The following RPIA variants were observed in gnomAD, a reference collection of about 807,000 sequenced individuals.
The protein encoded by RPIA is ribose-5-phosphate isomerase.
Under a neutral mutation model 37.8 loss-of-function variants are expected in RPIA, and 29 were observed. The observed-to-expected ratio is 0.77, with a 90% confidence interval of 0.57 to 1.05. The LOEUF is 1.05. Among genes scored for constraint, RPIA ranks in the 50% least tolerant of loss-of-function variants. The pLI is 0.00. For missense variants in RPIA, 385 were observed against 413.6 expected, an observed-to-expected ratio of 0.93 and a Z score of 0.60; for synonymous variants, 167 against 157.0, an observed-to-expected ratio of 1.06 and a Z score of -0.48.
intron 1 of RPIA, among the ~76,000 whole-genome samples, chr2:88,693,252 G>C (rs761266557): frequency 6.6e-6 from 1 of 152,260 alleles, no homozygotes; most frequent in South Asian, 2.1e-4. Context: ...ATTTGGTGGC[G>C]CATCTCCCTG....
chr2:88,696,514 A>G (rs888159119), intron 1 of RPIA, among the ~76,000 whole-genome samples: 1 of 151,886 alleles, frequency 6.6e-6, no homozygotes, highest in Non-Finnish European at 1.5e-5. Flanking sequence ...GGGCATTGAT[A>G]GTTTATATAT....
Position 88,691,691 on chromosome 2 carries a change from G to C in RPIA, c.-8G>C. 6.4e-7 allele frequency: 1 copy of C among 1,568,174 alleles called. No homozygotes were observed. The highest frequency in any genetic ancestry group is 1.4e-5 in the African/African-American group (1 of 73,524). On this transcript the variant is annotated 5_prime_UTR_variant, in exon 1 of 9. Coordinates refer to ENST00000283646, the MANE Select transcript of RPIA (RefSeq NM_144563.3). Reference sequence around the variant, plus strand: ...GGACTTCAGCGGAGGCCGGAGCGAGGCGTCGGGATGCAGCGCCCCGGGCCC... The same window carrying C: ...GGACTTCAGCGGAGGCCGGAGCGAGCCGTCGGGATGCAGCGCCCCGGGCCC...
chr2:88,749,994 A>C lies in RPIA; in HGVS notation c.852A>C (p.Thr284=). The C allele has an allele frequency of 6.2e-7, 1 of 1,612,152 alleles. No individual in the cohort carries two copies. The highest frequency in any genetic ancestry group is 8.5e-7 in the Non-Finnish European group (1 of 1,178,454). The change falls in exon 9 of 9, where the codon ACA becomes ACC. Residue 284 remains threonine (T), a synonymous_variant. Transcript: ENST00000283646. ...TTTGTCCTGCAGGTGTGGTGGACAC[A>C]GGCCTATTCATCAACATGGCTGAGA... ...AIKMIPGVVD[T]GLFINMAERV... is the part of the protein sequence containing the mutation.
chr2:88,736,809 A>G, intron 7 of RPIA, 133 bp downstream of exon 7: 2 of 1,155,798 alleles, frequency 1.7e-6, no homozygotes, highest in Non-Finnish European at 1.2e-6. Flanking sequence ...TAATTGATGT[A>G]TTTGTTTATT....
chr2:88,723,779 G>A (rs1042574159), intron 3 of RPIA, among the ~76,000 whole-genome samples: 4 of 152,080 alleles, frequency 2.6e-5, no homozygotes, highest in African/African-American at 9.7e-5. Context: ...GACGACATGT[G>A]CCCAAGGTGG....
intron 3 of RPIA, among the ~76,000 whole-genome samples, chr2:88,709,283 G>A (rs1672934645): frequency 6.6e-6 from 1 of 152,198 alleles, no homozygotes; most frequent in Admixed American, 6.5e-5. Flanking sequence ...TGACTCTTCT[G>A]CAAGGAAATG....
intron 3 of RPIA, among the ~76,000 whole-genome samples, chr2:88,707,645 T>A (rs1672913841): frequency 6.6e-6 from 1 of 152,186 alleles, no homozygotes. Flanking sequence ...TTATTTGATT[T>A]CCAGTTTCAT....
At chr2:88,733,643 G>GT (rs1280624283) in intron 4 of RPIA, among the ~76,000 whole-genome samples, 1 of 152,196 alleles carries the variant, frequency 6.6e-6, no homozygotes, top group South Asian at 2.1e-4. Flanking sequence ...GCTGGAATCT[G>GT]TAAAAGGCTG....
chr2:88,734,767 C>A, intron 5 of RPIA, 151 bp downstream of exon 5: 2 of 828,034 alleles, frequency 2.4e-6, no homozygotes, highest in Non-Finnish European at 4.0e-6. Context: ...TTAGACCCAA[C>A]TCAGCATTTC....
rs539087476 is a variant in RPIA, at chr2:88,700,093, A to G, written c.402+29A>G. 792 of 1,610,570 alleles carry G rather than the reference A, an allele frequency of 4.9e-4. 15 individuals carry two copies. In the South Asian group the frequency reaches 7.6e-3, roughly 15 times the overall value. ...TGTCCTGCTTTCCATCTGCATCGTG[A>G]CAGCTTCTGCTGTATCTTCTGGTTC... On this transcript the variant is annotated intron_variant, in intron 3 of 8. Coordinates refer to ENST00000283646, the MANE Select transcript of RPIA (RefSeq NM_144563.3).
At chr2:88,706,441 A>T (rs1348532118) in intron 3 of RPIA, among the ~76,000 whole-genome samples, 1 of 151,890 alleles carries the variant, frequency 6.6e-6, no homozygotes, top group African/African-American at 2.4e-5. Context: ...TCCTCAGCAA[A>T]CTAACACAGG....
At chr2:88,745,675 G>T (rs1673430963) in intron 8 of RPIA, among the ~76,000 whole-genome samples, 1 of 152,130 alleles carries the variant, frequency 6.6e-6, no homozygotes. Flanking sequence ...TTCTTTTATA[G>T]GTTACCTAAT....
At chr2:88,700,532 G>A (rs78991614) in intron 3 of RPIA, among the ~76,000 whole-genome samples, 2 of 152,120 alleles carry the variant, frequency 1.3e-5, no homozygotes, top group East Asian at 3.9e-4. Flanking sequence ...TGTACCTGTA[G>A]TTCCAACTAT....
intron 3 of RPIA, among the ~76,000 whole-genome samples, chr2:88,717,062 A>C (rs1285435766): frequency 2.0e-5 from 3 of 152,192 alleles, no homozygotes; most frequent in African/African-American, 7.2e-5. Flanking sequence ...GTCTCTCTGC[A>C]GCACTCCCTC....
Position 88,700,055 on chromosome 2 carries a change from T to C in RPIA, c.393T>C (p.Thr131=). The change falls in exon 3 of 9, where the codon ACT becomes ACC. Residue 131 remains threonine, a synonymous_variant. Transcript: ENST00000283646. The part of the protein sequence containing the change: ...QENLNLVCIP[T]SFQARQLILQ... The stretch of plus-strand genomic sequence containing the variant: ...ATCTGAACCTCGTCTGTATTCCCAC[T>C]TCCTTCCAGGTATGTCCTGCTTTCC... The C allele has an allele frequency of 6.2e-7, 1 of 1,614,206 alleles. No homozygotes were observed. Among genetic ancestry groups the C allele is most frequent in the Non-Finnish European group, 8.5e-7 (1 of 1,179,998 alleles).
At chr2:88,697,208 G>A (rs114202816) in intron 1 of RPIA, among the ~76,000 whole-genome samples, 115 of 152,264 alleles carry the variant, frequency 7.6e-4, no homozygotes, top group African/African-American at 2.7e-3. Context: ...GCATCCCATT[G>A]GAAGGATATC....
intron 7 of RPIA, among the ~76,000 whole-genome samples, 192 bp downstream of exon 7, chr2:88,736,868 G>C (rs138228318): frequency 1.2e-4 from 19 of 152,134 alleles, no homozygotes; most frequent in Non-Finnish European, 2.1e-4. Context: ...GTGTAGACAA[G>C]ACCACACTTA....
intron 3 of RPIA, among the ~76,000 whole-genome samples, chr2:88,713,848 G>A (rs901668602): frequency 6.7e-6 from 1 of 149,798 alleles, no homozygotes; most frequent in Admixed American, 6.6e-5. Flanking sequence ...GTTTCTAATA[G>A]CTCTTTTTTG....
At chr2:88,745,252 A>G (rs1673426853) in intron 8 of RPIA, among the ~76,000 whole-genome samples, 1 of 152,194 alleles carries the variant, frequency 6.6e-6, no homozygotes, top group African/African-American at 2.4e-5. Flanking sequence ...CCTTTTAAGT[A>G]GAGCATTTAG....
Sources: allele counts gnomAD v4.1 joint callset (sites outside exome capture counted in the v4.1 genomes callset), GRCh38; gene constraint gnomAD v4.1.1; transcripts MANE v1.5; gene names NCBI Gene and HGNC (gene_info 2026-07-23, HGNC 2026-07-21).